The following TRPM3 variants were observed in gnomAD, a reference collection of about 807,000 sequenced individuals.
TRPM3 encodes the protein transient receptor potential cation channel subfamily M member 3, also known as long transient receptor potential channel 3.
In TRPM3, 77 loss-of-function variants were observed where a neutral mutation model predicts 181.2. The observed-to-expected ratio is 0.42, with a 90% CI of 0.35 to 0.51. The LOEUF (loss-of-function observed/expected upper bound fraction) is 0.51, where lower values mean the gene tolerates loss of function less well. Among genes scored for constraint, TRPM3 ranks in the 20% least tolerant of loss-of-function variants. The pLI is 0.01. For synonymous variants in TRPM3, 745 were observed against 796.4 expected (o/e 0.94, Z 1.09); for missense variants, 1,759 against 2,196.7 (o/e 0.80, Z 3.98).
chr9:70,611,089 C>T (rs577373189), intron 18 of TRPM3, among the ~76,000 whole-genome samples: 2 of 152,252 alleles, frequency 1.3e-5, no homozygotes, highest in African/African-American at 4.8e-5. Flanking sequence ...TCTATTCTTC[C>T]TCCCCACCTG....
At chr9:71,060,938 T>C (rs1233474276) in intron 1 of TRPM3, among the ~76,000 whole-genome samples, 6 of 152,048 alleles carry the variant, frequency 3.9e-5, no homozygotes, top group Non-Finnish European at 8.8e-5. Flanking sequence ...TTAATTGCAA[T>C]TGTCATCAAT....
chr9:71,319,507 C>T (rs2088990412), intron 1 of TRPM3, among the ~76,000 whole-genome samples: 2 of 152,070 alleles, frequency 1.3e-5, no homozygotes, highest in Non-Finnish European at 2.9e-5. Context: ...TTTATTTGGG[C>T]CCTAATGGCT....
chr9:70,842,977 G>C, intron 5 of TRPM3, 26 bp downstream of exon 5: 1 of 1,608,570 alleles, frequency 6.2e-7, no homozygotes, highest in Non-Finnish European at 8.5e-7. Context: ...GAGAAGTCAT[G>C]GAAAGCGACA....
chr9:70,644,227 G>A (rs2133647605), intron 9 of TRPM3, among the ~76,000 whole-genome samples: 1 of 152,290 alleles, frequency 6.6e-6, no homozygotes, highest in East Asian at 1.9e-4. Flanking sequence ...CTCATGAACA[G>A]CATACTTTCA....
chr9:70,914,448 T>A (rs1478771514), intron 1 of TRPM3, among the ~76,000 whole-genome samples: 1 of 152,200 alleles, frequency 6.6e-6, no homozygotes, highest in Non-Finnish European at 1.5e-5. Flanking sequence ...TATTTCTTAG[T>A]CATTGGAGGT....
At chr9:71,402,693 T>C (rs2093363874) in intron 1 of TRPM3, among the ~76,000 whole-genome samples, 1 of 152,182 alleles carries the variant, frequency 6.6e-6, no homozygotes. Context: ...TACTCCTTGG[T>C]AGGGAAAATA....
chr9:71,273,844 C>T (rs796791799), intron 1 of TRPM3, among the ~76,000 whole-genome samples: 43 of 152,280 alleles, frequency 2.8e-4, no homozygotes, highest in African/African-American at 1.0e-3. Flanking sequence ...ACCTTGATCT[C>T]CATATTGGTA....
chr9:71,255,727 G>A (rs910892560), intron 1 of TRPM3, among the ~76,000 whole-genome samples: 1 of 151,976 alleles, frequency 6.6e-6, no homozygotes, highest in Non-Finnish European at 1.5e-5. Flanking sequence ...TGTAACCTTG[G>A]GCAAGTCTTT....
intron 1 of TRPM3, among the ~76,000 whole-genome samples, chr9:71,183,424 C>T (rs2077511553): frequency 6.6e-6 from 1 of 152,114 alleles, no homozygotes; most frequent in African/African-American, 2.4e-5. Flanking sequence ...CATCCAGCCC[C>T]TTTGAAAATG....
rs546889491 is a variant in TRPM3, at chr9:70,929,352, C to T, written c.178-64841G>A. Among the ~76,000 whole-genome samples, 168 of 152,154 alleles carry T rather than the reference C, an allele frequency of 1.1e-3. 1 individual carries two copies. The highest frequency in any genetic ancestry group is 3.5e-3 in the African/African-American group (146 of 41,524). ...GAGTAGCTGGGATCACAGGTGCCCG[C>T]CACCATGCCCAGCTGATTTTTATAC... On this transcript the variant is annotated intron_variant, in intron 1 of 25. Coordinates refer to ENST00000677713, the MANE Select transcript of TRPM3 (RefSeq NM_001366145.2).
At chr9:71,416,596 A>G (rs2093640674) in intron 1 of TRPM3, among the ~76,000 whole-genome samples, 1 of 151,998 alleles carries the variant, frequency 6.6e-6, no homozygotes, top group Non-Finnish European at 1.5e-5. Flanking sequence ...TAAAAAACAT[A>G]ACCAGTAAAA....
chr9:71,367,764 C>A (rs1438088122), intron 1 of TRPM3, among the ~76,000 whole-genome samples: 1 of 152,168 alleles, frequency 6.6e-6, no homozygotes, highest in African/African-American at 2.4e-5. Context: ...CCCCATGTTA[C>A]TAAGTTACTG....
chr9:71,240,001 T>C (rs990375612), intron 1 of TRPM3, among the ~76,000 whole-genome samples: 2 of 152,178 alleles, frequency 1.3e-5, no homozygotes, highest in African/African-American at 4.8e-5. Flanking sequence ...GTGGAATTTA[T>C]TCACAACATT....
intron 1 of TRPM3, among the ~76,000 whole-genome samples, chr9:71,047,909 T>G (rs768770320): frequency 3.3e-5 from 5 of 151,760 alleles, no homozygotes; most frequent in Non-Finnish European, 7.4e-5. Context: ...GAGTCTTTGA[T>G]TCTCTCATTT....
At chr9:70,977,140 TA>T (rs1394805410) in intron 1 of TRPM3, among the ~76,000 whole-genome samples, 2 of 152,156 alleles carry the variant, frequency 1.3e-5, no homozygotes, top group Non-Finnish European at 2.9e-5. Flanking sequence ...TTTATTTATT[TA>T]TTTTTTTTTT....
intron 1 of TRPM3, among the ~76,000 whole-genome samples, chr9:70,943,805 T>C (rs1217165650): frequency 2.0e-5 from 3 of 152,226 alleles, no homozygotes; most frequent in African/African-American, 7.2e-5. Context: ...GCAGCCTCTC[T>C]CTGTTGCCCA....
At chr9:71,132,871 ATT>A (rs2074460506) in intron 1 of TRPM3, among the ~76,000 whole-genome samples, 1 of 152,100 alleles carries the variant, frequency 6.6e-6, no homozygotes, top group Non-Finnish European at 1.5e-5. Flanking sequence ...GTTTTATAGG[ATT>A]TTATTATGTT....
rs201452117 is a variant in TRPM3 at position 71,304,063 on chromosome 9, AAC to A, written c.183+142588_183+142589del. Among the ~76,000 whole-genome samples the A allele has an allele frequency of 8.0e-3, 1,216 of 152,328 alleles. 18 individuals carry two copies. The highest frequency in any genetic ancestry group is 0.026 in the African/African-American group (1,101 of 41,582). Reference sequence around the variant, plus strand: ...TGTTAGTAACTCACACACGCTTATGAACACAGACACATACATATTGGAGACCA... The same window carrying A: ...TGTTAGTAACTCACACACGCTTATGAACAGACACATACATATTGGAGACCA... On this transcript the variant is annotated intron_variant, in intron 1 of 24. Transcript: ENST00000357533.
intron 8 of TRPM3, among the ~76,000 whole-genome samples, chr9:70,745,415 G>T (rs1200125776): frequency 6.6e-6 from 1 of 152,060 alleles, no homozygotes; most frequent in East Asian, 1.9e-4. Flanking sequence ...AACTCATACG[G>T]AAAACATTTT....
Sources: allele counts gnomAD v4.1 joint callset (sites outside exome capture counted in the v4.1 genomes callset), GRCh38; gene constraint gnomAD v4.1.1; transcripts MANE v1.5; gene names NCBI Gene and HGNC (gene_info 2026-07-23, HGNC 2026-07-21).